The following CTTNBP2 variants were observed in gnomAD, a reference collection of about 807,000 sequenced individuals.
CTTNBP2 encodes cortactin binding protein 2, also known as cortactin-binding protein 2.
Under a neutral mutation model 156.9 loss-of-function variants are expected in CTTNBP2, and 108 were observed. The ratio of observed to expected loss-of-function variants is 0.69; its 90% CI spans 0.59 to 0.81. CTTNBP2 has a LOEUF of 0.81. CTTNBP2 is among the 30% of genes least tolerant of loss of function. The pLI is 0.00. For synonymous variants in CTTNBP2, 767 were observed against 751.8 expected (o/e 1.02, Z -0.33); for missense variants, 1,924 against 2,035.4 (o/e 0.95, Z 1.05).
At position 117,792,640 on chromosome 7, in the gene CTTNBP2, T is replaced by C. The variant is rs1438096674; in HGVS notation, c.556A>G (p.Ile186Val). 3 of 1,614,204 alleles carry C rather than the reference T, an allele frequency of 1.9e-6. No homozygotes were observed. Among genetic ancestry groups the C allele is most frequent in the Non-Finnish European group, 1.7e-6 (2 of 1,180,042 alleles). Residue 186 changes from isoleucine (I) to valine (V), a missense_variant, in exon 4 of 23, where the codon ATA becomes GTA. By Grantham distance (29) the Ile-to-Val change is conservative. Coordinates refer to ENST00000160373, the MANE Select transcript of CTTNBP2 (RefSeq NM_033427.3). This position sits in a 1 kb window ranked among gnomAD's most constrained non-coding sequence, Gnocchi z 4.2. ...TCTTCGAGCTTCTGGGCCTCCTCTA[T>C]GACTTTGCCTGAGAGCTGCTTGCAC... ...KECKQLSGKV[I>V]EEAQKLEDVM... is the part of the protein sequence containing the mutation.
intron 2 of CTTNBP2, among the ~76,000 whole-genome samples, chr7:117,856,190 C>T (rs540816176): frequency 6.6e-6 from 1 of 152,280 alleles, no homozygotes; most frequent in South Asian, 2.1e-4. Context: ...AAGGTCTCAC[C>T]GATACACCTG....
chr7:117,763,717 G>A (rs140709636), intron 9 of CTTNBP2, among the ~76,000 whole-genome samples: 200 of 151,562 alleles, frequency 1.3e-3, no homozygotes, highest in African/African-American at 4.5e-3. Context: ...CTACAGGCAC[G>A]TGTCACCATG....
At chr7:117,795,238 C>G (rs928114112) in intron 3 of CTTNBP2, among the ~76,000 whole-genome samples, 1 of 152,112 alleles carries the variant, frequency 6.6e-6, no homozygotes, top group Non-Finnish European at 1.5e-5. Flanking sequence ...GAGCCTTGCA[C>G]AAATTTGACA....
intron 3 of CTTNBP2, among the ~76,000 whole-genome samples, chr7:117,808,241 C>A (rs1800064882): frequency 6.6e-6 from 1 of 151,014 alleles, no homozygotes; most frequent in African/African-American, 2.4e-5. Context: ...CCCTACTGTT[C>A]AAAGAAATCA....
In CTTNBP2 at chr7:117,728,253, C is replaced by A. The variant is rs747636048; in HGVS notation, c.3891G>T (p.Ala1297=). The A allele has an allele frequency of 2.5e-6, 4 of 1,612,912 alleles. No individual in the cohort carries two copies. Among genetic ancestry groups the A allele is most frequent in the Admixed American group, 1.7e-5 (1 of 59,854 alleles). ...TGCACACAGGATCGCAGGGGGAGGGCGCCTGACCTTTGAACTAGAGAGACA... is the reference window on the plus strand; with the variant it reads ...TGCACACAGGATCGCAGGGGGAGGGAGCCTGACCTTTGAACTAGAGAGACA... ...RKVVNKFKGQ[A]PSPCDPVCKI... The change falls in exon 17 of 23, where the codon GCG becomes GCT. Residue 1297 remains alanine, a synonymous_variant. Transcript: ENST00000160373.
rs1453762369 is a variant in CTTNBP2 at position 117,834,001 on chromosome 7, G to A, written c.190-23012C>T. Among the ~76,000 whole-genome samples the A allele has an allele frequency of 2.0e-5, 3 of 152,000 alleles. No individual in the cohort carries two copies. In the East Asian group the frequency reaches 5.8e-4, roughly 29 times the overall value. On this transcript the variant is annotated intron_variant, in intron 2 of 22. Transcript: ENST00000160373. ...TACATAGACAGACAACATCTTAATG[G>A]TGGCTTAGCTAGTAAAATATATTCA... is the stretch of plus-strand genomic sequence containing the variant.
chr7:117,777,743 G>A lies in CTTNBP2; in HGVS notation c.2546C>T (p.Ala849Val), dbSNP rs1400652149. The A allele has an allele frequency of 3.7e-6, 6 of 1,609,592 alleles. No homozygotes were observed. Among genetic ancestry groups the A allele is most frequent in the South Asian group, 1.1e-5 (1 of 90,916 alleles). ...GTCCACATTACCAGTGTCCACAGCT[G>A]CGTGAACTGGTGTCCAGCCATCCTG... ...KTTDGWTPVH[A>V]AVDTGNVDSL... is the part of the protein sequence containing the mutation. Residue 849 changes from alanine to valine, a missense_variant, in exon 8 of 23, where the codon GCA (alanine) becomes GTA (valine). Coordinates refer to ENST00000160373, the MANE Select transcript of CTTNBP2 (RefSeq NM_033427.3).
intron 12 of CTTNBP2, among the ~76,000 whole-genome samples, chr7:117,752,516 A>G (rs1584945379): frequency 6.6e-6 from 1 of 152,226 alleles, no homozygotes; most frequent in South Asian, 2.1e-4. Flanking sequence ...ATGTACTTGT[A>G]TTATTTTTAA....
At chr7:117,809,952 C>T (rs1800169454) in intron 3 of CTTNBP2, among the ~76,000 whole-genome samples, 2 of 152,194 alleles carry the variant, frequency 1.3e-5, no homozygotes, top group Admixed American at 1.3e-4. Context: ...CTAGCTTTCT[C>T]ACTCTCTTTT....
intron 2 of CTTNBP2, among the ~76,000 whole-genome samples, chr7:117,832,859 G>A (rs1801699059): frequency 6.8e-6 from 1 of 146,112 alleles, no homozygotes; most frequent in Non-Finnish European, 1.5e-5. Context: ...CAATTCTCCT[G>A]CCTCAGCCTC....
At chr7:117,711,931 C>T (rs937616365) in intron 22 of CTTNBP2, 149 bp from the exon 23 acceptor site, 3 of 721,572 alleles carry the variant, frequency 4.2e-6, no homozygotes, top group Non-Finnish European at 6.6e-6. Context: ...AGAGGAGAAG[C>T]TGAGTAATTA....
intron 14 of CTTNBP2, among the ~76,000 whole-genome samples, chr7:117,737,233 T>C (rs976659613): frequency 1.3e-5 from 2 of 152,158 alleles, no homozygotes; most frequent in Non-Finnish European, 2.9e-5. Context: ...GAAATAGATG[T>C]ATTGTGGAAG....
chr7:117,826,826 CATTATTATTATTATT>C (rs71984775), intron 2 of CTTNBP2, among the ~76,000 whole-genome samples: 2,549 of 140,214 alleles, frequency 0.018, 64 homozygotes, highest in Non-Finnish European at 0.019. Flanking sequence ...TTCTACTGAG[CATTATTATTATTATT>C]ATTATTATTA....
rs1341685631 is a variant in CTTNBP2, at chr7:117,724,527, TG to T, written c.4447+19del. 6.3e-7 allele frequency: 1 copy of T among 1,586,828 alleles called. No individual in the cohort carries two copies. Among genetic ancestry groups the T allele is most frequent in the African/African-American group, 1.4e-5 (1 of 73,648 alleles). ...TATGTCCACCTCCTGGTAGGCAACA[TG>T]CCTACCCCCGCCCTTTACCTTCAGT... On this transcript the variant is annotated intron_variant, in intron 19 of 22. Coordinates refer to ENST00000160373, the MANE Select transcript of CTTNBP2 (RefSeq NM_033427.3).
chr7:117,815,047 T>C (rs2116991390), intron 2 of CTTNBP2, among the ~76,000 whole-genome samples: 1 of 152,364 alleles, frequency 6.6e-6, no homozygotes, highest in Non-Finnish European at 1.5e-5. Flanking sequence ...TAAACTCATA[T>C]TTATTATTTT....
rs754996283 is a variant in CTTNBP2, at chr7:117,760,573, C to T, written c.3034G>A (p.Ala1012Thr). The T allele has an allele frequency of 1.2e-6, 2 of 1,614,126 alleles. No individual in the cohort carries two copies. The highest frequency in any genetic ancestry group is 2.2e-5 in the South Asian group (2 of 91,084). The change falls in exon 10 of 23, where the codon GCA becomes ACA. Residue 1012 changes from alanine to threonine, a missense_variant. By Grantham distance (58) the Ala-to-Thr change is moderately conservative. Coordinates refer to ENST00000160373, the MANE Select transcript of CTTNBP2 (RefSeq NM_033427.3). ...KQTSWDDFSK[A>T]VSQALTNHFQ... ...TGATTTGTCAGAGCTTGACTCACTG[C>T]TTTTGAAAAATCATCCCATGATGTC...
chr7:117,728,062 A>G, intron 17 of CTTNBP2, 27 bp downstream of exon 17: 1 of 1,600,938 alleles, frequency 6.2e-7, no homozygotes. Context: ...TATCATAAGC[A>G]GAAAGATAAG....
At chr7:117,730,335 C>T (rs538219072) in intron 16 of CTTNBP2, among the ~76,000 whole-genome samples, 34 of 152,266 alleles carry the variant, frequency 2.2e-4, no homozygotes, top group African/African-American at 7.2e-4. Flanking sequence ...AACTTCCGCC[C>T]GAGTTTCTAT....
intron 2 of CTTNBP2, among the ~76,000 whole-genome samples, chr7:117,827,481 G>GA (rs1327744964): frequency 1.3e-5 from 2 of 152,060 alleles, no homozygotes; most frequent in East Asian, 1.9e-4. Context: ...ACTCATAACA[G>GA]AAAAAAAATT....
Sources: allele counts gnomAD v4.1 joint callset (sites outside exome capture counted in the v4.1 genomes callset), GRCh38; gene constraint gnomAD v4.1.1; non-coding constraint Gnocchi (gnomAD v3.1); transcripts MANE v1.5; gene names NCBI Gene and HGNC (gene_info 2026-07-23, HGNC 2026-07-21).